FAM168A: variants seen among roughly 807,000 people sequenced by gnomAD.
FAM168A encodes the protein family with sequence similarity 168 member A.
A neutral mutation model predicts 28.5 loss-of-function variants in FAM168A; 3 were observed. That is an observed-to-expected ratio of 0.11 (90% confidence interval 0.05 to 0.27). The LOEUF is 0.27. Ranked by LOEUF, FAM168A falls within the 10% of genes least tolerant of loss-of-function variation. FAM168A has a pLI of 1.00. For synonymous variants in FAM168A, 122 were observed against 124.2 expected (o/e 0.98, Z 0.12); for missense variants, 222 against 311.5 (o/e 0.71, Z 2.16).
intron 1 of FAM168A, among the ~76,000 whole-genome samples, chr11:73,505,162 A>G (rs1295459595): frequency 1.3e-5 from 2 of 151,812 alleles, no homozygotes; most frequent in African/African-American, 4.8e-5. Flanking sequence ...TTATGCATAC[A>G]CATAATATGG....
chr11:73,443,897 G>A (rs931436751), intron 2 of FAM168A, among the ~76,000 whole-genome samples: 8 of 152,162 alleles, frequency 5.3e-5, no homozygotes, highest in African/African-American at 1.9e-4. Flanking sequence ...CGGCTTGGAA[G>A]GTGAGCAGGG....
chr11:73,584,913 G>C (rs1158040738), intron 1 of FAM168A, among the ~76,000 whole-genome samples: 1 of 151,964 alleles, frequency 6.6e-6, no homozygotes, highest in Non-Finnish European at 1.5e-5. Flanking sequence ...GGCAGCAGAG[G>C]ATTGCTTGAG....
chr11:73,580,177 G>A, intron 1 of FAM168A: 1 of 419,286 alleles, frequency 2.4e-6, no homozygotes, highest in Non-Finnish European at 4.6e-6. Flanking sequence ...ACGACCCCCA[G>A]ACCAACCAAA....
chr11:73,564,107 T>C (rs1565300192), intron 1 of FAM168A, among the ~76,000 whole-genome samples: 1 of 152,210 alleles, frequency 6.6e-6, no homozygotes, highest in Non-Finnish European at 1.5e-5. Context: ...AGGTCTTCTA[T>C]AGCGGCTTAC....
intron 1 of FAM168A, among the ~76,000 whole-genome samples, chr11:73,485,857 G>C (rs577749616): frequency 1.3e-5 from 2 of 152,202 alleles, no homozygotes; most frequent in East Asian, 1.9e-4. Context: ...TTAATAAAAA[G>C]GGTCTCTGGT....
chr11:73,475,464 T>A (rs543943986), intron 1 of FAM168A, among the ~76,000 whole-genome samples: 1 of 152,254 alleles, frequency 6.6e-6, no homozygotes, highest in South Asian at 2.1e-4. Flanking sequence ...GGATAGATAC[T>A]GTTGGGAAAG....
chr11:73,426,639 C>G (rs1286485593), intron 3 of FAM168A, among the ~76,000 whole-genome samples: 2 of 151,660 alleles, frequency 1.3e-5, no homozygotes, highest in Non-Finnish European at 2.9e-5. Flanking sequence ...AATCCAGAGG[C>G]CAGCATTCCA....
intron 1 of FAM168A, among the ~76,000 whole-genome samples, chr11:73,560,967 T>G (rs1943951035): frequency 6.8e-6 from 1 of 146,366 alleles, no homozygotes; most frequent in African/African-American, 2.6e-5. Context: ...AGGCCGAGGC[T>G]GGGAGAACTG....
In FAM168A at chr11:73,521,491, T is replaced by C. The variant is rs1331721572; in HGVS notation, c.-18-52999A>G. 3.3e-5 allele frequency among the ~76,000 whole-genome samples: 5 copies of C among 152,160 alleles called. No individual in the cohort carries two copies. The East Asian group carries it at 9.7e-4, about 29-fold the overall frequency. ...AAAAACAAAAAAAGAAGAAGAAAAC[T>C]CTGCTCTTCTTTTTTGTTCATATCT... On this transcript the variant is annotated intron_variant, in intron 1 of 7. Coordinates refer to ENST00000356467, the MANE Select transcript of FAM168A (RefSeq NM_015159.3).
rs1031023486 is a variant in FAM168A, at chr11:73,407,403, C to T, written c.*18+110G>A. ...AGCAGGAAAGCAACTGGTAACTTGA[C>T]AGCTGTTACCTGCCCTAGCTGACAC... On this transcript the variant is annotated intron_variant, in intron 7 of 7. Transcript: ENST00000356467. 18 of 614,438 alleles carry T rather than the reference C, an allele frequency of 2.9e-5. No individual in the cohort carries two copies. The African/African-American group carries it at 3.5e-4, about 12-fold the overall frequency. The allele number at this position is 614,438 out of a possible 1,614,324, so 38.1% of individuals were successfully genotyped here.
At chr11:73,486,113 G>A (rs1038477472) in intron 1 of FAM168A, among the ~76,000 whole-genome samples, 1 of 152,178 alleles carries the variant, frequency 6.6e-6, no homozygotes, top group Non-Finnish European at 1.5e-5. Context: ...TACAATATGG[G>A]TATGGTTGAC....
intron 2 of FAM168A, among the ~76,000 whole-genome samples, chr11:73,434,736 A>G (rs1867059247): frequency 1.3e-5 from 2 of 152,256 alleles, no homozygotes; most frequent in African/African-American, 2.4e-5. Context: ...CAGCAGAAGA[A>G]TAACATGCTT....
At chr11:73,524,457 ATT>A (rs1331636879) in intron 1 of FAM168A, among the ~76,000 whole-genome samples, 1 of 151,992 alleles carries the variant, frequency 6.6e-6, no homozygotes, top group Non-Finnish European at 1.5e-5. Flanking sequence ...TAAAATTAAT[ATT>A]CTTAAATTTA....
At chr11:73,538,389 AC>A (rs1267004889) in intron 1 of FAM168A, among the ~76,000 whole-genome samples, 1 of 152,176 alleles carries the variant, frequency 6.6e-6, no homozygotes, top group African/African-American at 2.4e-5. Flanking sequence ...ATCAACCCCA[AC>A]AAGCTCTTCA....
chr11:73,530,132 G>T (rs1163730627), intron 1 of FAM168A, among the ~76,000 whole-genome samples: 3 of 152,030 alleles, frequency 2.0e-5, no homozygotes, highest in Non-Finnish European at 4.4e-5. Context: ...AGTCACTTCT[G>T]GGACAATGCA....
chr11:73,407,664 G>T, intron 6 of FAM168A, 21 bp from the exon 7 acceptor site: 1 of 1,594,542 alleles, frequency 6.3e-7, no homozygotes, highest in Admixed American at 1.7e-5. Flanking sequence ...AGAGAGAGAA[G>T]AGTAACCTGA....
intron 1 of FAM168A, among the ~76,000 whole-genome samples, chr11:73,483,992 G>A (rs1267756166): frequency 2.6e-5 from 4 of 152,122 alleles, no homozygotes; most frequent in Non-Finnish European, 4.4e-5. Context: ...AGCCAAACAG[G>A]GCTCTCAGAA....
At chr11:73,591,152 AAAG>A (rs940585424) in intron 1 of FAM168A, among the ~76,000 whole-genome samples, 35 of 152,330 alleles carry the variant, frequency 2.3e-4, no homozygotes, top group African/African-American at 4.8e-4. Context: ...TCAAAAAAAA[AAAG>A]AAGACTACTG....
chr11:73,536,169 T>G (rs1045200121), intron 1 of FAM168A, among the ~76,000 whole-genome samples: 8 of 152,146 alleles, frequency 5.3e-5, no homozygotes, highest in African/African-American at 1.9e-4. Context: ...TCTAATCAGC[T>G]TTTTAGTATT....
Sources: gnomAD v4.1 joint callset for allele counts (sites outside exome capture counted in the v4.1 genomes callset) on GRCh38, gnomAD v4.1.1 for gene constraint, MANE v1.5 for transcripts, NCBI Gene and HGNC (gene_info 2026-07-23, HGNC 2026-07-21) for gene names.